The following TRPC3 variants were observed in gnomAD, a reference collection of about 807,000 sequenced individuals.
TRPC3 encodes the protein transient receptor potential cation channel subfamily C member 3.
A neutral mutation model predicts 90.9 loss-of-function variants in TRPC3; 54 were observed. That is an observed-to-expected ratio of 0.59 (90% CI 0.48 to 0.75). The LOEUF (loss-of-function observed/expected upper bound fraction) is 0.75. Ranked by LOEUF, TRPC3 falls within the 30% of genes least tolerant of loss-of-function variation. The pLI is 0.00. For synonymous variants in TRPC3, 424 were observed against 450.9 expected (o/e 0.94, Z 0.75); for missense variants, 918 against 1,194.5 (o/e 0.77, Z 3.41).
chr4:121,950,298 A>T (rs1477056506), intron 1 of TRPC3, among the ~76,000 whole-genome samples: 2 of 152,184 alleles, frequency 1.3e-5, no homozygotes, highest in African/African-American at 4.8e-5. Context: ...GATCCTGGGG[A>T]TGCAGGGGTC....
Position 121,875,061 on chromosome 4 carries a change from A to T in TRPC3, c.*4675T>A, listed in dbSNP as rs1467546235. Among the ~76,000 whole-genome samples, 1 of 152,148 alleles carries T rather than the reference A, an allele frequency of 6.6e-6. No individual in the cohort carries two copies. Among genetic ancestry groups the T allele is most frequent in the East Asian group, 1.9e-4 (1 of 5,202 alleles). Reference sequence around the variant, plus strand: ...AATGAAAACAAAAATATAGGAGAAAAGAGTTAATATCTTAAAAAATAGTTC... The same window carrying T: ...AATGAAAACAAAAATATAGGAGAAATGAGTTAATATCTTAAAAAATAGTTC... On this transcript the variant is annotated 3_prime_UTR_variant, in exon 12 of 12. Transcript: ENST00000379645.
chr4:121,885,166 G>A (rs1341379143), intron 10 of TRPC3, among the ~76,000 whole-genome samples: 1 of 152,150 alleles, frequency 6.6e-6, no homozygotes, highest in African/African-American at 2.4e-5. Context: ...ACACTACCTG[G>A]TAATAGTCCA....
chr4:121,876,141 G>A lies in TRPC3; in HGVS notation c.*3595C>T, dbSNP rs1177469173. ...CTCGAACTCCTGAACTGAAGCCATC[G>A]ACCTGCTTCAACGTCCCAAAGTGCT... On this transcript the variant is annotated 3_prime_UTR_variant, in exon 12 of 12. Coordinates refer to ENST00000379645, the MANE Select transcript of TRPC3 (RefSeq NM_001130698.2). 6.6e-6 allele frequency among the ~76,000 whole-genome samples: 1 copy of A among 151,656 alleles called. No individual in the cohort carries two copies. Among genetic ancestry groups the A allele is most frequent in the Non-Finnish European group, 1.5e-5 (1 of 67,942 alleles).
At position 121,938,789 on chromosome 4, in the gene TRPC3, A is replaced by G. The variant is rs900380559; in HGVS notation, c.216-5747T>C. Among the ~76,000 whole-genome samples, 38 of 152,008 alleles carry G rather than the reference A, an allele frequency of 2.5e-4. 1 individual carries two copies. The highest frequency in any genetic ancestry group is 6.6e-5 in the Admixed American group (1 of 15,260). On this transcript the variant is annotated intron_variant, in intron 1 of 11. Transcript: ENST00000379645. ...CTGATTCTCCTCTTTACACATGACA[A>G]CTATGCCCAGCATCTTGCTGTTCAT...
At chr4:121,928,183 A>C (rs1560710903) in intron 2 of TRPC3, among the ~76,000 whole-genome samples, 1 of 151,940 alleles carries the variant, frequency 6.6e-6, no homozygotes, top group Non-Finnish European at 1.5e-5. Context: ...ATTATAGTCT[A>C]TAAACTGTTT....
chr4:121,937,955 T>C (rs1364746731), intron 1 of TRPC3, among the ~76,000 whole-genome samples: 1 of 151,514 alleles, frequency 6.6e-6, no homozygotes, highest in Non-Finnish European at 1.5e-5. Context: ...CAGGCTGGAG[T>C]GTAGTGGGAG....
At chr4:121,947,452 T>G (rs1472528637) in intron 1 of TRPC3, among the ~76,000 whole-genome samples, 1 of 152,116 alleles carries the variant, frequency 6.6e-6, no homozygotes, top group East Asian at 1.9e-4. Flanking sequence ...GACTGGAACA[T>G]TTATACAAGA....
intron 1 of TRPC3, among the ~76,000 whole-genome samples, chr4:121,937,120 C>A (rs1730158310): frequency 6.6e-6 from 1 of 152,218 alleles, no homozygotes; most frequent in Non-Finnish European, 1.5e-5. Flanking sequence ...AACAGGGTTT[C>A]TCTAAGTGTG....
intron 1 of TRPC3, among the ~76,000 whole-genome samples, chr4:121,949,907 A>G (rs1730626064): frequency 6.6e-6 from 1 of 152,208 alleles, no homozygotes; most frequent in Non-Finnish European, 1.5e-5. Context: ...CTACTTTCTC[A>G]GATAAGAGTT....
At chr4:121,923,100 C>G (rs969443007) in intron 3 of TRPC3, among the ~76,000 whole-genome samples, 2 of 150,656 alleles carry the variant, frequency 1.3e-5, no homozygotes, top group African/African-American at 2.4e-5. Context: ...GAAAGAGACA[C>G]AGAGAGAGAG....
intron 10 of TRPC3, among the ~76,000 whole-genome samples, chr4:121,892,122 G>A (rs766189208): frequency 4.2e-4 from 64 of 152,212 alleles, no homozygotes; most frequent in South Asian, 8.3e-4. Flanking sequence ...AATAAAACAC[G>A]GATATTGATT....
intron 1 of TRPC3, among the ~76,000 whole-genome samples, chr4:121,935,173 T>C (rs1730088206): frequency 6.6e-6 from 1 of 152,166 alleles, no homozygotes. Flanking sequence ...TTATTGAACA[T>C]AAAATTAATG....
chr4:121,914,959 A>G lies in TRPC3; in HGVS notation c.1177-15T>C. 6.3e-7 allele frequency: 1 copy of G among 1,582,060 alleles called. No homozygotes were observed. Among genetic ancestry groups the G allele is most frequent in the South Asian group, 1.1e-5 (1 of 88,472 alleles). ...TGAGCCACAAACTATTGGGAGAGAGAGAGTTTGAGAAGGGGAGAGAAAGGT... is the reference window on the plus strand; with the variant it reads ...TGAGCCACAAACTATTGGGAGAGAGGGAGTTTGAGAAGGGGAGAGAAAGGT... On this transcript the variant is annotated splice_polypyrimidine_tract_variant and intron_variant, in intron 3 of 11. Transcript: ENST00000379645.
In TRPC3 at chr4:121,910,155, A is replaced by G. The variant is rs763327056; in HGVS notation, c.1791T>C (p.Tyr597=). The G allele has an allele frequency of 9.3e-6, 15 of 1,612,652 alleles. No homozygotes were observed. Among genetic ancestry groups the G allele is most frequent in the Middle Eastern group, 1.6e-4 (1 of 6,074 alleles). ...GGGACCCTGAAGCTAACAACTTACC[A>G]TAAGTGAAATACTGTATCTCTGGTG... is the stretch of plus-strand genomic sequence containing the variant. The part of the protein sequence containing the change: ...TLPPEIQYFT[Y]ARDKWLPSDP... The change falls in exon 6 of 12, where the codon TAT becomes TAC. Residue 597 remains tyrosine, a splice_region_variant and synonymous_variant. Coordinates refer to ENST00000379645, the MANE Select transcript of TRPC3 (RefSeq NM_001130698.2).
At position 121,904,302 on chromosome 4, in the gene TRPC3, T is replaced by C. The variant is rs183145225; in HGVS notation, c.2253+20A>G. The C allele has an allele frequency of 6.4e-4, 1,020 of 1,590,810 alleles. 13 individuals are homozygous for C. In the African/African-American group the frequency reaches 0.012, roughly 19 times the overall value. ...AATAGGATGACAAGGATAGATACTA[T>C]GGATAGAAAACCGATTTACCTCAAT... On this transcript the variant is annotated intron_variant, in intron 8 of 11. Coordinates refer to ENST00000379645, the MANE Select transcript of TRPC3 (RefSeq NM_001130698.2).
intron 3 of TRPC3, among the ~76,000 whole-genome samples, chr4:121,920,496 C>A (rs188916843): frequency 6.6e-6 from 1 of 151,898 alleles, no homozygotes; most frequent in Non-Finnish European, 1.5e-5. Flanking sequence ...TGCACTCAAG[C>A]CTGGGAGACA....
At chr4:121,943,654 T>A (rs936176305) in intron 1 of TRPC3, among the ~76,000 whole-genome samples, 14 of 152,214 alleles carry the variant, frequency 9.2e-5, no homozygotes, top group African/African-American at 3.4e-4. Context: ...TGACCATAGA[T>A]AATAAAATTA....
chr4:121,916,040 T>C (rs1326729036), intron 3 of TRPC3, among the ~76,000 whole-genome samples: 1 of 152,218 alleles, frequency 6.6e-6, no homozygotes, highest in Non-Finnish European at 1.5e-5. Flanking sequence ...GAAATGTTTT[T>C]GGGAACTGAG....
In TRPC3 at chr4:121,904,298, A is replaced by G. The variant is rs774714726; in HGVS notation, c.2253+24T>C. On this transcript the variant is annotated intron_variant, in intron 8 of 11. Transcript: ENST00000379645. ...TCAGAATAGGATGACAAGGATAGAT[A>G]CTATGGATAGAAAACCGATTTACCT... 113 of 1,585,222 alleles carry G rather than the reference A, an allele frequency of 7.1e-5. 1 individual carries two copies. The South Asian group carries it at 1.3e-3, about 18-fold the overall frequency.
Sources: allele counts gnomAD v4.1 joint callset (sites outside exome capture counted in the v4.1 genomes callset), GRCh38; gene constraint gnomAD v4.1.1; transcripts MANE v1.5; gene names NCBI Gene and HGNC (gene_info 2026-07-23, HGNC 2026-07-21).